SORCS2: variants seen among roughly 807,000 people sequenced by gnomAD.
SORCS2 encodes the protein sortilin related VPS10 domain containing receptor 2.
In SORCS2, 100 loss-of-function variants were observed where a neutral mutation model predicts 141.6. That is an observed-to-expected ratio of 0.71 (90% CI 0.60 to 0.83). The LOEUF (loss-of-function observed/expected upper bound fraction) is 0.83, where lower values mean the gene tolerates loss of function less well. Among genes scored for constraint, SORCS2 ranks in the 40% least tolerant of loss-of-function variants. The pLI is 0.00. For synonymous variants in SORCS2, 789 were observed against 676.9 expected (o/e 1.17, Z -2.57); for missense variants, 1,646 against 1,560.2 (o/e 1.05, Z -0.93).
At chr4:7,274,370 A>G (rs1302622739) in intron 1 of SORCS2, among the ~76,000 whole-genome samples, 1 of 152,172 alleles carries the variant, frequency 6.6e-6, no homozygotes, top group Non-Finnish European at 1.5e-5. Flanking sequence ...AGGCTGGGTA[A>G]TTTGTAAAGA....
intron 1 of SORCS2, among the ~76,000 whole-genome samples, chr4:7,241,063 T>G (rs1348764149): frequency 6.6e-6 from 1 of 152,126 alleles, no homozygotes; most frequent in Non-Finnish European, 1.5e-5. Flanking sequence ...GCCTCCCGAG[T>G]AGCTGGGATT....
intron 1 of SORCS2, among the ~76,000 whole-genome samples, chr4:7,385,184 C>T (rs1014313301): frequency 6.6e-6 from 1 of 152,160 alleles, no homozygotes; most frequent in Non-Finnish European, 1.5e-5. Flanking sequence ...AGGCCGCATC[C>T]CTTGGAGAGC....
At chr4:7,717,775 G>A (rs1202219819) in intron 17 of SORCS2, among the ~76,000 whole-genome samples, 1 of 152,214 alleles carries the variant, frequency 6.6e-6, no homozygotes, top group Non-Finnish European at 1.5e-5. Context: ...CGCCTCCGAA[G>A]CACATCCTGC....
rs1348366215 is a variant in SORCS2 at position 7,193,878 on chromosome 4, C to G, written c.480+752C>G. On this transcript the variant is annotated intron_variant, in intron 1 of 26. Coordinates refer to ENST00000507866, the MANE Select transcript of SORCS2 (RefSeq NM_020777.3). The surrounding 1 kb of genome is among the most constrained non-coding windows in gnomAD (Gnocchi z 4.8). ...AGTTTGCCACCTCTGTTGGGGACCT[C>G]CTGTTCCTCCACCCACAGCCTGGGG... is the stretch of plus-strand genomic sequence containing the variant. Among the ~76,000 whole-genome samples, 1 of 152,182 alleles carries G rather than the reference C, an allele frequency of 6.6e-6. No individual in the cohort carries two copies. The highest frequency in any genetic ancestry group is 2.4e-5 in the African/African-American group (1 of 41,444).
At chr4:7,600,869 C>T (rs1717623704) in intron 3 of SORCS2, among the ~76,000 whole-genome samples, 1 of 152,152 alleles carries the variant, frequency 6.6e-6, no homozygotes, top group Non-Finnish European at 1.5e-5. Flanking sequence ...CTTTCCCTAT[C>T]TTTTCAGTTT....
intron 1 of SORCS2, among the ~76,000 whole-genome samples, chr4:7,354,750 T>G (rs1447787557): frequency 6.6e-6 from 1 of 152,130 alleles, no homozygotes; most frequent in African/African-American, 2.4e-5. Context: ...TCTCTGAAAC[T>G]GGGGGCCTGG....
chr4:7,738,707 G>A (rs148201090), intron 26 of SORCS2, among the ~76,000 whole-genome samples: 386 of 152,262 alleles, frequency 2.5e-3, no homozygotes, highest in African/African-American at 8.8e-3. Context: ...GAACGTGAGC[G>A]GCGGAAACCA....
At chr4:7,540,586 C>G (rs780380701) in intron 3 of SORCS2, among the ~76,000 whole-genome samples, 2 of 152,180 alleles carry the variant, frequency 1.3e-5, no homozygotes, top group South Asian at 2.1e-4. Flanking sequence ...CCCATGGTGC[C>G]GAGATGCTTT....
At chr4:7,314,800 G>GTTTTTTTTTTTTT (rs397880294) in intron 1 of SORCS2, among the ~76,000 whole-genome samples, 2 of 109,830 alleles carry the variant, frequency 1.8e-5, no homozygotes, top group African/African-American at 6.7e-5. Flanking sequence ...CCACTGTTCT[G>GTTTTTTTTTTTTT]TTTTTTTTTT....
At chr4:7,215,296 T>C (rs533218644) in intron 1 of SORCS2, among the ~76,000 whole-genome samples, 1 of 152,304 alleles carries the variant, frequency 6.6e-6, no homozygotes, top group African/African-American at 2.4e-5. Flanking sequence ...GAGGGTGTAC[T>C]GGGTCCCCCA....
At position 7,633,823 on chromosome 4, in the gene SORCS2, C is replaced by A. The variant is rs1279966686; in HGVS notation, c.649-4505C>A. Among the ~76,000 whole-genome samples, 2 of 59,784 alleles carry A rather than the reference C, an allele frequency of 3.3e-5. 1 individual carries two copies. The highest frequency in any genetic ancestry group is 4.4e-4 in the Admixed American group (2 of 4,510). 39.2% of individuals were successfully genotyped at this position (59,784 alleles called of 152,430 possible). A position where few individuals can be genotyped will look rare whatever the true frequency, so the allele number is the denominator to read the frequency against. On this transcript the variant is annotated intron_variant, in intron 3 of 26. Transcript: ENST00000507866. The stretch of plus-strand genomic sequence containing the variant: ...GTCAGGCGGGATTAACGGCCAGCTC[C>A]GTGTCCTGTTTTGCTCGAGGTACAA...
At chr4:7,414,069 A>G (rs1268175730) in intron 2 of SORCS2, among the ~76,000 whole-genome samples, 1 of 152,192 alleles carries the variant, frequency 6.6e-6, no homozygotes, top group Non-Finnish European at 1.5e-5. Flanking sequence ...GTGTGAATGT[A>G]TCTCCAGCTA....
At chr4:7,682,721 C>A (rs930861438) in intron 9 of SORCS2, 22 bp from the exon 10 acceptor site, 14 of 1,596,142 alleles carry the variant, frequency 8.8e-6, no homozygotes, top group East Asian at 2.3e-5. Flanking sequence ...AGTTTACAGT[C>A]CTTCTTTTAT....
intron 4 of SORCS2, among the ~76,000 whole-genome samples, chr4:7,651,210 G>C (rs1227995068): frequency 6.6e-6 from 1 of 152,124 alleles, no homozygotes; most frequent in Non-Finnish European, 1.5e-5. Context: ...GATGGGGAAA[G>C]GCAAACGCGT....
chr4:7,233,157 G>T lies in SORCS2; in HGVS notation c.480+40031G>T, dbSNP rs914329654. Among the ~76,000 whole-genome samples, 1 of 152,144 alleles carries T rather than the reference G, an allele frequency of 6.6e-6. No homozygotes were observed. The highest frequency in any genetic ancestry group is 1.5e-5 in the Non-Finnish European group (1 of 68,016). ...AGGCGAGTCCCCAAGGTACCCGAGG[G>T]AGGCCAGGTACTGTCACTGCAGGCA... On this transcript the variant is annotated intron_variant, in intron 1 of 26. Coordinates refer to ENST00000507866, the MANE Select transcript of SORCS2 (RefSeq NM_020777.3). The surrounding 1 kb of genome is among the most constrained non-coding windows in gnomAD (Gnocchi z 4.5).
At chr4:7,336,851 G>A (rs545512264) in intron 1 of SORCS2, among the ~76,000 whole-genome samples, 20 of 152,284 alleles carry the variant, frequency 1.3e-4, no homozygotes, top group Admixed American at 1.0e-3. Flanking sequence ...GTGTCCCCAC[G>A]GAGCTGGGAA....
At chr4:7,410,860 A>T (rs1459727409) in intron 2 of SORCS2, among the ~76,000 whole-genome samples, 4 of 151,790 alleles carry the variant, frequency 2.6e-5, no homozygotes, top group African/African-American at 9.7e-5. Flanking sequence ...GTTCTGGGAC[A>T]AGATCTGAGG....
At position 7,244,840 on chromosome 4, in the gene SORCS2, G is replaced by T. The variant is rs568252713; in HGVS notation, c.480+51714G>T. 1.1e-3 allele frequency among the ~76,000 whole-genome samples: 173 copies of T among 152,366 alleles called. 1 individual carries two copies. Among genetic ancestry groups the T allele is most frequent in the African/African-American group, 4.1e-3 (169 of 41,590 alleles). On this transcript the variant is annotated intron_variant, in intron 1 of 26. Coordinates refer to ENST00000507866, the MANE Select transcript of SORCS2 (RefSeq NM_020777.3). ...AGCTTTTGTTCTGCTCAAGAGCAGGGTTTTCAGAATCTTGGTGAGGGAGTG... is the reference window on the plus strand; with the variant it reads ...AGCTTTTGTTCTGCTCAAGAGCAGGTTTTTCAGAATCTTGGTGAGGGAGTG...
At chr4:7,630,370 G>A (rs571530563) in intron 3 of SORCS2, among the ~76,000 whole-genome samples, 2 of 152,260 alleles carry the variant, frequency 1.3e-5, no homozygotes, top group South Asian at 4.2e-4. Context: ...GTTGAAGAAA[G>A]CAACAAAAAG....
Sources: gnomAD v4.1 joint callset for allele counts (sites outside exome capture counted in the v4.1 genomes callset) on GRCh38, gnomAD v4.1.1 for gene constraint, Gnocchi (gnomAD v3.1) non-coding constraint, MANE v1.5 for transcripts, NCBI Gene and HGNC (gene_info 2026-07-23, HGNC 2026-07-21) for gene names.